The following ANAPC1 variants were observed in gnomAD, a reference collection of about 807,000 sequenced individuals.
The protein encoded by ANAPC1 is anaphase promoting complex subunit 1.
Under a neutral mutation model 208.0 loss-of-function variants are expected in ANAPC1, and 36 were observed. The ratio of observed to expected loss-of-function variants is 0.17; its 90% CI spans 0.13 to 0.23. The LOEUF (loss-of-function observed/expected upper bound fraction) is 0.23. Ranked by LOEUF, ANAPC1 falls within the 10% of genes least tolerant of loss-of-function variation. The probability of loss-of-function intolerance (pLI) is 1.00; values close to 1 mark genes in which losing one functional copy is unlikely to be tolerated. For missense variants in ANAPC1, 942 were observed against 2,011.6 expected (o/e 0.47, Z 10.17); for synonymous variants, 378 against 695.2 (o/e 0.54, Z 7.18).
chr2:111,773,309 G>A (rs1185252004), intron 46 of ANAPC1, among the ~76,000 whole-genome samples: 1 of 152,220 alleles, frequency 6.6e-6, no homozygotes, highest in Non-Finnish European at 1.5e-5. Context: ...GTATCATGCT[G>A]AGCTAGAGGT....
intron 13 of ANAPC1, among the ~76,000 whole-genome samples, chr2:111,855,991 G>A (rs959902123): frequency 1.1e-4 from 16 of 152,158 alleles, no homozygotes; most frequent in African/African-American, 2.4e-4. Flanking sequence ...ATCCCAGCAC[G>A]TTAGGAGGCC....
At chr2:111,868,428 A>T (rs1215293882) in intron 6 of ANAPC1, among the ~76,000 whole-genome samples, 1 of 152,220 alleles carries the variant, frequency 6.6e-6, no homozygotes, top group Non-Finnish European at 1.5e-5. Context: ...TCTTACTGGC[A>T]GTGTGTCTTT....
chr2:111,844,226 A>C (rs1482335891), intron 16 of ANAPC1, among the ~76,000 whole-genome samples: 1 of 152,102 alleles, frequency 6.6e-6, no homozygotes, highest in African/African-American at 2.4e-5. Flanking sequence ...AGCAATTACT[A>C]ACTGCTCGCC....
chr2:111,846,544 T>C (rs1466127825), intron 16 of ANAPC1, among the ~76,000 whole-genome samples: 27 of 55,996 alleles, frequency 4.8e-4, no homozygotes, highest in African/African-American at 2.6e-3. Context: ...CATATATATA[T>C]ATATATATAT....
At chr2:111,843,917 T>C (rs1312548107) in intron 16 of ANAPC1, among the ~76,000 whole-genome samples, 1 of 143,304 alleles carries the variant, frequency 7.0e-6, no homozygotes, top group African/African-American at 2.6e-5. Flanking sequence ...TTCTGCCTCC[T>C]GAGTTCAAGC....
chr2:111,878,985 A>C lies in ANAPC1; in HGVS notation c.214-14T>G. 1 of 1,590,254 alleles carries C rather than the reference A, an allele frequency of 6.3e-7. No individual in the cohort carries two copies. The highest frequency in any genetic ancestry group is 8.5e-7 in the Non-Finnish European group (1 of 1,172,608). ...CTGCCAGCTTTCCTTAAAAATTAAC[A>C]CATGTAAAACATATTCAAGCACTCT... On this transcript the variant is annotated splice_polypyrimidine_tract_variant and intron_variant, in intron 2 of 47. Transcript: ENST00000341068.
chr2:111,858,675 T>C (rs1681875595), intron 10 of ANAPC1, among the ~76,000 whole-genome samples: 1 of 147,910 alleles, frequency 6.8e-6, no homozygotes, highest in Non-Finnish European at 1.5e-5. Flanking sequence ...GGCGGGAGAA[T>C]GGCATGAACC....
intron 21 of ANAPC1, among the ~76,000 whole-genome samples, chr2:111,829,930 G>A (rs1680044008): frequency 6.6e-6 from 1 of 152,000 alleles, no homozygotes. Context: ...AATTAGCCGG[G>A]CATGGTGTGG....
chr2:111,831,570 T>C, intron 20 of ANAPC1, 136 bp from the exon 21 acceptor site: 2 of 812,830 alleles, frequency 2.5e-6, no homozygotes, highest in South Asian at 3.6e-5. Context: ...CTGGGTGCAG[T>C]GGCTCACGCC....
Position 111,856,756 on chromosome 2 carries a change from T to C in ANAPC1, c.1449+40A>G, listed in dbSNP as rs776149587. On this transcript the variant is annotated intron_variant, in intron 12 of 47. Coordinates refer to ENST00000341068, the MANE Select transcript of ANAPC1 (RefSeq NM_022662.4). ...CAGATTTTTTGACTGAAAAATCTGT[T>C]GAAGCGTAATTGTCAACTTCTCAAA... 7 of 1,613,392 alleles carry C rather than the reference T, an allele frequency of 4.3e-6. No individual in the cohort carries two copies. In the South Asian group the frequency reaches 7.7e-5, roughly 18 times the overall value.
intron 16 of ANAPC1, among the ~76,000 whole-genome samples, chr2:111,846,444 A>AC: frequency 6.7e-6 from 1 of 149,326 alleles, no homozygotes; most frequent in Non-Finnish European, 1.5e-5. Flanking sequence ...AGAAAAAAAA[A>AC]CATTAAATAT....
At chr2:111,830,366 T>C (rs1157778612) in intron 21 of ANAPC1, among the ~76,000 whole-genome samples, 1 of 152,004 alleles carries the variant, frequency 6.6e-6, no homozygotes, top group Non-Finnish European at 1.5e-5. Context: ...AAACCTGACA[T>C]GTTATAAAAG....
At chr2:111,788,962 C>A (rs1316678179) in intron 38 of ANAPC1, among the ~76,000 whole-genome samples, 523 of 151,314 alleles carry the variant, frequency 3.5e-3, no homozygotes, top group African/African-American at 0.012. Flanking sequence ...CACGGTGAAA[C>A]CCCATCTCTA....
Position 111,794,282 on chromosome 2 carries a change from A to G in ANAPC1, c.4415T>C (p.Leu1472Pro), listed in dbSNP as rs1678043682. 6.2e-7 allele frequency: 1 copy of G among 1,613,346 alleles called. No homozygotes were observed. Among genetic ancestry groups the G allele is most frequent in the Non-Finnish European group, 8.5e-7 (1 of 1,179,670 alleles). ...VYIIAGACLSLGFRFAGSENL... is the reference protein window; with the variant it reads ...VYIIAGACLSPGFRFAGSENL... ...TTCTGAGCCAGCAAATCGAAAACCC[A>G]GAGACAAGCAGGCTCCTGCAATTAT... Residue 1472 changes from leucine to proline, a missense_variant, in exon 36 of 48, where the codon CTG becomes CCG. Transcript: ENST00000341068.
chr2:111,862,753 T>C (rs1166894555), intron 9 of ANAPC1, among the ~76,000 whole-genome samples, 155 bp from the exon 10 acceptor site: 1 of 152,124 alleles, frequency 6.6e-6, no homozygotes, highest in Non-Finnish European at 1.5e-5. Context: ...GGAGTAGCTA[T>C]TTAAATGGTT....
intron 17 of ANAPC1, among the ~76,000 whole-genome samples, chr2:111,841,758 C>T (rs1680777875): frequency 6.6e-6 from 1 of 151,998 alleles, no homozygotes; most frequent in Non-Finnish European, 1.5e-5. Context: ...TTACTGTGGC[C>T]ACTGGACTGA....
intron 34 of ANAPC1, among the ~76,000 whole-genome samples, chr2:111,797,322 G>C (rs1316449580): frequency 6.6e-6 from 1 of 151,992 alleles, no homozygotes; most frequent in African/African-American, 2.4e-5. Context: ...ATGTATTACA[G>C]AGTTTAGCAC....
In ANAPC1 at chr2:111,878,935, C is replaced by T. The variant is rs1683157047; in HGVS notation, c.250G>A (p.Gly84Arg). The T allele has an allele frequency of 6.3e-7, 1 of 1,589,830 alleles. No individual in the cohort carries two copies. Among genetic ancestry groups the T allele is most frequent in the African/African-American group, 1.4e-5 (1 of 73,458 alleles). The part of the protein sequence containing the change: ...WQLRKGVSEI[G>R]EDVDYDEELY... ...TCCTCATCATAGTCCACATCTTCTCCAATTTCACTTACTCCTTTCCTTAAC... is the reference window on the plus strand; with the variant it reads ...TCCTCATCATAGTCCACATCTTCTCTAATTTCACTTACTCCTTTCCTTAAC... Residue 84 changes from glycine to arginine, a missense_variant, in exon 3 of 48, where the codon GGA (glycine) becomes AGA (arginine). Gly to Arg is a moderately radical substitution (Grantham distance 125). Transcript: ENST00000341068.
intron 7 of ANAPC1, 46 bp from the exon 8 acceptor site, chr2:111,864,997 C>G: frequency 6.5e-7 from 1 of 1,548,368 alleles, no homozygotes; most frequent in African/African-American, 1.4e-5. Flanking sequence ...ATGGGCTTTA[C>G]AAGACTGATA....
Sources: allele counts gnomAD v4.1 joint callset (sites outside exome capture counted in the v4.1 genomes callset), GRCh38; gene constraint gnomAD v4.1.1; transcripts MANE v1.5; gene names NCBI Gene and HGNC (gene_info 2026-07-23, HGNC 2026-07-21).